The following AMN1 variants were observed in gnomAD, a reference collection of about 807,000 sequenced individuals.
AMN1 encodes antagonist of mitotic exit network 1 homolog.
In AMN1, 20 loss-of-function variants were observed where a neutral mutation model predicts 33.0. That is an observed-to-expected ratio of 0.61 (90% confidence interval 0.43 to 0.88). AMN1 has a LOEUF of 0.88. Among genes scored for constraint, AMN1 ranks in the 40% least tolerant of loss-of-function variants. The pLI, the probability that AMN1 is intolerant of heterozygous loss-of-function variation, is 0.00. For synonymous variants in AMN1, 114 were observed against 111.9 expected (o/e 1.02, Z -0.12); for missense variants, 246 against 307.4 (o/e 0.80, Z 1.49).
At chr12:31,694,104 AAGGT>A (rs1290088466) in intron 5 of AMN1, among the ~76,000 whole-genome samples, 1 of 151,984 alleles carries the variant, frequency 6.6e-6, no homozygotes, top group East Asian at 1.9e-4. Flanking sequence ...AATGTGATGA[AAGGT>A]AGGCCTCCGC....
rs12580812 is a variant in AMN1 at position 31,678,920 on chromosome 12, T to C, written c.704-6543A>G. Among the ~76,000 whole-genome samples, 1,240 of 152,120 alleles carry C rather than the reference T, an allele frequency of 8.2e-3. 56 individuals are homozygous for C. The highest frequency in any genetic ancestry group is 0.074 in the Admixed American group (1,134 of 15,268). On this transcript the variant is annotated intron_variant, in intron 6 of 6. Coordinates refer to ENST00000281471, the MANE Select transcript of AMN1 (RefSeq NM_001113402.2). ...AATGAGGAAACAGAATAATACAGGATTAAGACAAATATGAAATAAAAAAAT... is the reference window on the plus strand; with the variant it reads ...AATGAGGAAACAGAATAATACAGGACTAAGACAAATATGAAATAAAAAAAT...
chr12:31,677,175 C>T (rs922527069), intron 6 of AMN1, among the ~76,000 whole-genome samples: 5 of 152,154 alleles, frequency 3.3e-5, no homozygotes, highest in African/African-American at 1.2e-4. Context: ...TGGCGTGCAC[C>T]TGTAGTCCCA....
chr12:31,722,268 G>T (rs750681635), intron 1 of AMN1, among the ~76,000 whole-genome samples: 1 of 151,976 alleles, frequency 6.6e-6, no homozygotes, highest in Non-Finnish European at 1.5e-5. Flanking sequence ...CAGTCACACT[G>T]ATCAAAATGT....
At chr12:31,698,534 T>C (rs1276912334) in intron 3 of AMN1, among the ~76,000 whole-genome samples, 1 of 152,162 alleles carries the variant, frequency 6.6e-6, no homozygotes, top group Non-Finnish European at 1.5e-5. Context: ...AAAAGAGAAG[T>C]CTTTAAATCC....
In AMN1 at chr12:31,697,339, T is replaced by C. The variant is rs571724139; in HGVS notation, c.591+22A>G. The C allele has an allele frequency of 2.0e-4, 319 of 1,600,052 alleles. 1 individual carries two copies. The South Asian group carries it at 3.0e-3, about 15-fold the overall frequency. Reference sequence around the variant, plus strand: ...ATATAAAAATTTAATCACCACCATCTTTATAATTGTTTTAAAATTACCTCT... The same window carrying C: ...ATATAAAAATTTAATCACCACCATCCTTATAATTGTTTTAAAATTACCTCT... On this transcript the variant is annotated intron_variant, in intron 5 of 6. Transcript: ENST00000281471.
intron 2 of AMN1, among the ~76,000 whole-genome samples, chr12:31,705,353 C>G (rs1287544208): frequency 6.6e-6 from 1 of 151,986 alleles, no homozygotes; most frequent in Non-Finnish European, 1.5e-5. Context: ...CAAAAATTAG[C>G]TGGATGTGGT....
intron 5 of AMN1, among the ~76,000 whole-genome samples, chr12:31,695,234 G>T (rs951462003): frequency 6.6e-6 from 1 of 151,794 alleles, no homozygotes; most frequent in Admixed American, 6.6e-5. Flanking sequence ...TAATTTCTTG[G>T]TGGTTTTATT....
chr12:31,698,097 A>AT lies in AMN1; in HGVS notation c.317-141dup, dbSNP rs368634088. On this transcript the variant is annotated intron_variant, in intron 3 of 6. Coordinates refer to ENST00000281471, the MANE Select transcript of AMN1 (RefSeq NM_001113402.2). ...GTAGTCCACCTGTGAGGAAATACTGATTTTCCAGTGATACTGTCATTATTC... is the reference window on the plus strand; with the variant it reads ...GTAGTCCACCTGTGAGGAAATACTGATTTTTCCAGTGATACTGTCATTATTC... The AT allele has an allele frequency of 9.2e-4, 676 of 737,162 alleles. 7 individuals carry two copies. The African/African-American group carries it at 0.01, about 11-fold the overall frequency. 45.7% of individuals were successfully genotyped at this position (737,162 alleles called of 1,614,324 possible).
Position 31,682,913 on chromosome 12 carries a change from C to T in AMN1, c.703+6094G>A, listed in dbSNP as rs139575244. Among the ~76,000 whole-genome samples the T allele has an allele frequency of 5.3e-5, 8 of 151,774 alleles. No individual in the cohort carries two copies. The East Asian group carries it at 1.5e-3, about 29-fold the overall frequency. On this transcript the variant is annotated intron_variant, in intron 6 of 6. Coordinates refer to ENST00000281471, the MANE Select transcript of AMN1 (RefSeq NM_001113402.2). Reference sequence around the variant, plus strand: ...ATTTCAATGTCTACTTCCACTACTTCTGGCAGCCACACAAAAATATAAGAA... The same window carrying T: ...ATTTCAATGTCTACTTCCACTACTTTTGGCAGCCACACAAAAATATAAGAA...
At chr12:31,690,473 G>A (rs562263906) in intron 5 of AMN1, among the ~76,000 whole-genome samples, 54 of 152,064 alleles carry the variant, frequency 3.6e-4, no homozygotes, top group Non-Finnish European at 3.5e-4. Flanking sequence ...AGGTGGTATC[G>A]CATTGTGGTT....
In AMN1 at chr12:31,683,619, A is replaced by G. The variant is rs1162869988; in HGVS notation, c.703+5388T>C. Among the ~76,000 whole-genome samples, 2 of 152,136 alleles carry G rather than the reference A, an allele frequency of 1.3e-5. No individual in the cohort carries two copies. The highest frequency in any genetic ancestry group is 2.9e-5 in the Non-Finnish European group (2 of 68,036). On this transcript the variant is annotated intron_variant, in intron 6 of 6. Coordinates refer to ENST00000281471, the MANE Select transcript of AMN1 (RefSeq NM_001113402.2). This position sits in a 1 kb window ranked among gnomAD's most constrained non-coding sequence, Gnocchi z 4.1. ...TGAGATCTGATGGTTTTAAAAGGGG[A>G]AACCCCTTCTCTTGGCTCTCATTCT... is the stretch of plus-strand genomic sequence containing the variant.
chr12:31,706,181 G>A (rs1489644766), intron 2 of AMN1, among the ~76,000 whole-genome samples: 32 of 151,684 alleles, frequency 2.1e-4, no homozygotes, highest in African/African-American at 6.3e-4. Flanking sequence ...GTGTGGTGGC[G>A]GGCGCCTGTA....
intron 5 of AMN1, among the ~76,000 whole-genome samples, chr12:31,697,054 C>A (rs1462964622): frequency 6.6e-6 from 1 of 151,974 alleles, no homozygotes; most frequent in Non-Finnish European, 1.5e-5. Flanking sequence ...TAAATAATAT[C>A]ACTTTACACT....
chr12:31,713,415 CTTG>C, intron 1 of AMN1, among the ~76,000 whole-genome samples: 1 of 151,978 alleles, frequency 6.6e-6, no homozygotes, highest in South Asian at 2.1e-4. Context: ...CAAGTTTTTG[CTTG>C]TTGTTTTATA....
At chr12:31,701,272 T>A (rs1432286122) in intron 3 of AMN1, among the ~76,000 whole-genome samples, 1 of 152,066 alleles carries the variant, frequency 6.6e-6, no homozygotes, top group African/African-American at 2.4e-5. Context: ...GTGCTGGGAT[T>A]ACAGGCATGA....
chr12:31,685,603 A>G (rs1592151291), intron 6 of AMN1, among the ~76,000 whole-genome samples: 1 of 151,798 alleles, frequency 6.6e-6, no homozygotes, highest in African/African-American at 2.4e-5. Flanking sequence ...GAGTTCGACA[A>G]CAGCCTGGCC....
rs1204786918 is a variant in AMN1, at chr12:31,685,028, A to AT, written c.703+3978dup. On this transcript the variant is annotated intron_variant, in intron 6 of 6. Transcript: ENST00000281471. ...TTTATAAATTTTGTTTTCCATAATT[A>AT]TTATTTTTTTTTTTTTGAGATAGAG... Among the ~76,000 whole-genome samples, 643 of 147,768 alleles carry AT rather than the reference A, an allele frequency of 4.4e-3. 7 individuals are homozygous for AT. The highest frequency in any genetic ancestry group is 0.014 in the African/African-American group (579 of 40,212).
At chr12:31,725,789 G>C (rs767768375) in intron 1 of AMN1, among the ~76,000 whole-genome samples, 6 of 152,164 alleles carry the variant, frequency 3.9e-5, no homozygotes, top group Non-Finnish European at 7.4e-5. Context: ...TCCGCCTCCT[G>C]GGTTCAAGCA....
chr12:31,680,407 G>T (rs753512723), intron 6 of AMN1, among the ~76,000 whole-genome samples: 98 of 152,106 alleles, frequency 6.4e-4, no homozygotes, highest in Admixed American at 1.4e-3. Flanking sequence ...CACCATGTTG[G>T]CCAAGCTGGT....
Sources: allele counts gnomAD v4.1 joint callset (sites outside exome capture counted in the v4.1 genomes callset), GRCh38; gene constraint gnomAD v4.1.1; non-coding constraint Gnocchi (gnomAD v3.1); transcripts MANE v1.5; gene names NCBI Gene and HGNC (gene_info 2026-07-23, HGNC 2026-07-21).